Variants in SYTL2 observed in about 807,000 individuals in gnomAD.
The protein encoded by SYTL2 is synaptotagmin-like protein 2.
Under a neutral mutation model 198.7 loss-of-function variants are expected in SYTL2, and 165 were observed. The observed-to-expected ratio is 0.83, with a 90% CI of 0.73 to 0.94. The LOEUF is 0.94. Among genes scored for constraint, SYTL2 ranks in the 40% least tolerant of loss-of-function variants. SYTL2 has a pLI of 0.00. For missense variants in SYTL2, 2,835 were observed against 2,582.8 expected, an observed-to-expected ratio of 1.10 and a Z score of -2.12; for synonymous variants, 966 against 917.7, an observed-to-expected ratio of 1.05 and a Z score of -0.95.
chr11:85,726,758 T>A lies in SYTL2; in HGVS notation c.2600A>T (p.Gln867Leu). 1 of 1,536,174 alleles carries A rather than the reference T, an allele frequency of 6.5e-7. No individual in the cohort carries two copies. The highest frequency in any genetic ancestry group is 8.7e-7 in the Non-Finnish European group (1 of 1,146,900). The part of the protein sequence containing the change: ...VVLDEDDQAS[Q>L]LSNSYSSNKS... ...ATTTGAGGAATAAGAATTGGAGAGC[T>A]GGGATGCTTGATCATCCTCATCTAA... The change falls in exon 8 of 20, where the codon CAG becomes CTG. Residue 867 changes from glutamine to leucine, a missense_variant. Physicochemically the swap from Gln to Leu is moderately radical, Grantham distance 113. Coordinates refer to ENST00000359152, the MANE Select transcript of SYTL2 (RefSeq NM_206927.4).
chr11:85,795,018 C>T (rs2092782150), intron 1 of SYTL2, among the ~76,000 whole-genome samples: 1 of 151,884 alleles, frequency 6.6e-6, no homozygotes, highest in African/African-American at 2.4e-5. Context: ...GAAGTATTGC[C>T]CACTGTGTGG....
rs2089835931 is a variant in SYTL2 at position 85,731,598 on chromosome 11, A to T, written c.1390+2341T>A. ...AAAAATTAACTCAACTAGATTAAAG[A>T]CTTAAATGTAAGCCCTAAAACCATA... is the stretch of plus-strand genomic sequence containing the variant. On this transcript the variant is annotated intron_variant, in intron 7 of 19. Coordinates refer to ENST00000359152, the MANE Select transcript of SYTL2 (RefSeq NM_206927.4). 2.0e-5 allele frequency among the ~76,000 whole-genome samples: 3 copies of T among 152,226 alleles called. No individual in the cohort carries two copies. In the South Asian group the frequency reaches 6.2e-4, roughly 31 times the overall value.
At chr11:85,712,013 T>C (rs970338013) in intron 12 of SYTL2, among the ~76,000 whole-genome samples, 1 of 152,192 alleles carries the variant, frequency 6.6e-6, no homozygotes, top group Non-Finnish European at 1.5e-5. Flanking sequence ...GTTTATTAAA[T>C]AGTAGCTTTA....
chr11:85,839,981 C>A, the SYTL2 span, among the ~76,000 whole-genome samples: 4 of 152,148 alleles, frequency 2.6e-5, no homozygotes, highest in Admixed American at 6.5e-5. Context: ...ACCATTTTAA[C>A]AGGGTGAGAT....
intron 10 of SYTL2, chr11:85,718,499 A>G: frequency 2.8e-6 from 1 of 356,946 alleles, no homozygotes; most frequent in Non-Finnish European, 5.1e-6. Context: ...AAGTCAGAGT[A>G]GCAAAAATCA....
chr11:85,705,034 G>C lies in SYTL2; in HGVS notation c.6019-6C>G. The stretch of plus-strand genomic sequence containing the variant: ...ATTTGTTTTTCAATTTTATACTGAA[G>C]TTCAAAGAAGAAAATTAAATGATGA... On this transcript the variant is annotated splice_region_variant and splice_polypyrimidine_tract_variant and intron_variant, in intron 15 of 19. Transcript: ENST00000359152. 6.3e-7 allele frequency: 1 copy of C among 1,596,284 alleles called. No individual in the cohort carries two copies. Among genetic ancestry groups the C allele is most frequent in the South Asian group, 1.1e-5 (1 of 89,822 alleles).
the SYTL2 span, among the ~76,000 whole-genome samples, chr11:85,818,354 T>C: frequency 6.6e-6 from 1 of 152,326 alleles, no homozygotes; most frequent in Admixed American, 6.5e-5. Context: ...GAATGACCAT[T>C]ATATATGGTA....
At chr11:85,798,435 A>G (rs1321100998) in intron 1 of SYTL2, among the ~76,000 whole-genome samples, 1 of 152,206 alleles carries the variant, frequency 6.6e-6, no homozygotes, top group African/African-American at 2.4e-5. Context: ...AGAGTCTTTA[A>G]TATCTTCAGA....
chr11:85,828,291 C>G, the SYTL2 span, among the ~76,000 whole-genome samples: 1 of 152,062 alleles, frequency 6.6e-6, no homozygotes, highest in Non-Finnish European at 1.5e-5. Flanking sequence ...GCTGCAAACA[C>G]TAAGGTCAAC....
At position 85,720,842 on chromosome 11, in the gene SYTL2, C is replaced by T. The variant is rs1473357285; in HGVS notation, c.5428+16G>A. On this transcript the variant is annotated intron_variant, in intron 9 of 19. Transcript: ENST00000359152. The stretch of plus-strand genomic sequence containing the variant: ...CTTAGATGGGGCATGAACAGTGAGG[C>T]GAACTTTATTCTCACTTGATGAATC... 5 of 1,580,268 alleles carry T rather than the reference C, an allele frequency of 3.2e-6. No individual in the cohort carries two copies. Among genetic ancestry groups the T allele is most frequent in the Non-Finnish European group, 3.5e-6 (4 of 1,149,360 alleles).
chr11:85,785,310 G>A (rs1413946355), intron 1 of SYTL2, among the ~76,000 whole-genome samples: 1 of 152,178 alleles, frequency 6.6e-6, no homozygotes, highest in Non-Finnish European at 1.5e-5. Flanking sequence ...AGAGTTTCAG[G>A]ATGAGCTCAA....
chr11:85,832,807 C>T, the SYTL2 span, among the ~76,000 whole-genome samples: 1 of 150,394 alleles, frequency 6.6e-6, no homozygotes, highest in South Asian at 2.1e-4. Context: ...GCCTGGGCAA[C>T]ATAGTGAGAC....
At chr11:85,847,623 G>C in the SYTL2 span, among the ~76,000 whole-genome samples, 1 of 152,168 alleles carries the variant, frequency 6.6e-6, no homozygotes, top group South Asian at 2.1e-4. Flanking sequence ...CCACATCCTT[G>C]CCAACACATG....
intron 6 of SYTL2, among the ~76,000 whole-genome samples, chr11:85,735,475 G>C (rs1355143195): frequency 1.3e-5 from 2 of 152,186 alleles, no homozygotes; most frequent in Non-Finnish European, 2.9e-5. Context: ...GTTAAAAACA[G>C]GCCAAGCGCA....
Position 85,757,792 on chromosome 11 carries a change from A to C in SYTL2, c.-67T>G. 1 of 1,593,176 alleles carries C rather than the reference A, an allele frequency of 6.3e-7. No homozygotes were observed. Among genetic ancestry groups the C allele is most frequent in the Admixed American group, 1.7e-5 (1 of 59,746 alleles). The stretch of plus-strand genomic sequence containing the variant: ...CAAAATTCTCAGGGCTGAACAACTA[A>C]GACTGCAACCAGGAAGATTAAAACA... On this transcript the variant is annotated 5_prime_UTR_variant, in exon 2 of 20. Transcript: ENST00000359152.
In SYTL2 at chr11:85,734,175, G is replaced by A. The variant is rs2090115486; in HGVS notation, c.1154C>T (p.Ser385Phe). Residue 385 changes from serine (S) to phenylalanine (F), a missense_variant, in exon 7 of 20, where the codon TCT (serine) becomes TTT (phenylalanine). Transcript: ENST00000359152. Reference sequence around the variant, plus strand: ...AAAAAGCGAAGGCTTTCTGTATTGAGAAGGCTTAGGGTCACTCTGAAACTC... The same window carrying A: ...AAAAAGCGAAGGCTTTCTGTATTGAAAAGGCTTAGGGTCACTCTGAAACTC... ...TEEFQSDPKP[S>F]QYRKPSLFHQ... 7.4e-6 allele frequency: 12 copies of A among 1,614,194 alleles called. No individual in the cohort carries two copies. The highest frequency in any genetic ancestry group is 1.0e-5 in the Non-Finnish European group (12 of 1,180,000).
Position 85,734,272 on chromosome 11 carries a change from C to T in SYTL2, c.1057G>A (p.Glu353Lys). 1.2e-6 allele frequency: 2 copies of T among 1,614,226 alleles called. No individual in the cohort carries two copies. The highest frequency in any genetic ancestry group is 2.2e-5 in the South Asian group (2 of 91,086). The stretch of plus-strand genomic sequence containing the variant: ...TCTAAAACACTAAATTCTCCTACTT[C>T]CCGACCATGGATTAGCCCAGGACTC... The part of the protein sequence containing the change: ...PQSPGLIHGR[E>K]VGEFSVLESD... The change falls in exon 7 of 20, where the codon GAA (glutamate) becomes AAA (lysine). Residue 353 changes from glutamate (E) to lysine (K), a missense_variant. Around this residue, in one of 3 missense-constraint regions of SYTL2, gnomAD observed 2,645 missense variants for 2,381.7 expected, o/e 1.11. Coordinates refer to ENST00000359152, the MANE Select transcript of SYTL2 (RefSeq NM_206927.4).
Position 85,724,346 on chromosome 11 carries a change from T to C in SYTL2, c.5012A>G (p.His1671Arg), listed in dbSNP as rs762393998. The change falls in exon 8 of 20, where the codon CAT (histidine) becomes CGT (arginine). Residue 1671 changes from histidine (H) to arginine (R), a missense_variant. His to Arg is a conservative substitution (Grantham distance 29, BLOSUM62 0). Transcript: ENST00000359152. ...TACAGTTTTAATGGTCCCTATTTCA[T>C]GAGCCACATAAAGTTGTGGGGTTCT... ...IPRTPQLYVA[H>R]EIGTIKTVTP... 13 of 1,584,122 alleles carry C rather than the reference T, an allele frequency of 8.2e-6. No homozygotes were observed. In the Admixed American group the frequency reaches 1.3e-4, roughly 16 times the overall value.
At chr11:85,719,267 G>A (rs1242148612) in intron 9 of SYTL2, 1 of 1,167,666 alleles carries the variant, frequency 8.6e-7, no homozygotes, top group African/African-American at 1.6e-5. Flanking sequence ...GCCTCTGGGA[G>A]GCTTGCTTGG....
Sources: gnomAD v4.1 joint callset for allele counts (sites outside exome capture counted in the v4.1 genomes callset) on GRCh38, gnomAD v4.1.1 for gene constraint, gnomAD v4.1.1 regional missense constraint, MANE v1.5 for transcripts, NCBI Gene and HGNC (gene_info 2026-07-23, HGNC 2026-07-21) for gene names.